LHFPL2: variants seen among roughly 807,000 people sequenced by gnomAD.
The protein encoded by LHFPL2 is LHFPL tetraspan subfamily member 2.
Under a neutral mutation model 17.5 loss-of-function variants are expected in LHFPL2, and 7 were observed. The ratio of observed to expected loss-of-function variants is 0.40; its 90% confidence interval spans 0.23 to 0.75. The LOEUF is 0.75. Ranked by LOEUF, LHFPL2 falls within the 30% of genes least tolerant of loss-of-function variation. The pLI is 0.37. For synonymous variants in LHFPL2, 134 were observed against 116.2 expected, an observed-to-expected ratio of 1.15 and a Z score of -0.99; for missense variants, 241 against 294.8, an observed-to-expected ratio of 0.82 and a Z score of 1.34.
intron 2 of LHFPL2, among the ~76,000 whole-genome samples, chr5:78,584,389 C>T (rs1260033663): frequency 6.6e-6 from 1 of 152,160 alleles, no homozygotes; most frequent in Non-Finnish European, 1.5e-5. Flanking sequence ...TTTTTCTGCT[C>T]TGTTTTTTCC....
At chr5:78,560,070 G>C (rs1027837475) in intron 3 of LHFPL2, among the ~76,000 whole-genome samples, 1 of 152,184 alleles carries the variant, frequency 6.6e-6, no homozygotes, top group Non-Finnish European at 1.5e-5. Context: ...ATTTTAACAA[G>C]AAAAGCGGCC....
intron 3 of LHFPL2, among the ~76,000 whole-genome samples, chr5:78,539,469 G>A (rs1382053258): frequency 6.6e-6 from 1 of 152,150 alleles, no homozygotes; most frequent in Non-Finnish European, 1.5e-5. Flanking sequence ...GACTTACTCT[G>A]AGAAATAAAA....
At chr5:78,570,757 T>C (rs1032966175) in intron 2 of LHFPL2, among the ~76,000 whole-genome samples, 3 of 151,698 alleles carry the variant, frequency 2.0e-5, no homozygotes, top group Non-Finnish European at 4.4e-5. Flanking sequence ...TGTTCCAGAA[T>C]AGGTTATTTA....
At chr5:78,526,142 C>A (rs754832894) in intron 3 of LHFPL2, among the ~76,000 whole-genome samples, 3 of 152,082 alleles carry the variant, frequency 2.0e-5, no homozygotes, top group Non-Finnish European at 2.9e-5. Flanking sequence ...CTGGCCCCCG[C>A]CACCACTCTA....
intron 4 of LHFPL2, among the ~76,000 whole-genome samples, chr5:78,501,525 A>T (rs948524369): frequency 5.9e-5 from 9 of 152,206 alleles, no homozygotes; most frequent in African/African-American, 1.9e-4. Context: ...ATCAAGATAC[A>T]TGGTAAGGAG....
intron 2 of LHFPL2, chr5:78,626,464 G>A (rs886193240): frequency 5.9e-5 from 9 of 152,360 alleles, no homozygotes; most frequent in Non-Finnish European, 1.2e-4. Flanking sequence ...AGGATACGGA[G>A]AAGCCTTAAG....
intron 2 of LHFPL2, among the ~76,000 whole-genome samples, chr5:78,608,638 A>AAGG (rs1189157830): frequency 6.6e-6 from 1 of 152,058 alleles, no homozygotes; most frequent in African/African-American, 2.4e-5. Flanking sequence ...AGTGACTTAA[A>AAGG]ATACATTAGA....
At position 78,648,572 on chromosome 5, in the gene LHFPL2, C is replaced by A; in HGVS notation, c.-423G>T. 6.6e-6 allele frequency: 1 copy of A among 151,980 alleles called. No homozygotes were observed. The highest frequency in any genetic ancestry group is 1.5e-5 in the Non-Finnish European group (1 of 68,028). 9.4% of individuals were successfully genotyped at this position (151,980 alleles called of 1,614,324 possible). A position where few individuals can be genotyped will look rare whatever the true frequency, so the allele number is the denominator to read the frequency against. On this transcript the variant is annotated 5_prime_UTR_variant, in exon 1 of 5. Coordinates refer to ENST00000380345, the MANE Select transcript of LHFPL2 (RefSeq NM_005779.3). This position sits in a 1 kb window ranked among gnomAD's most constrained non-coding sequence, Gnocchi z 5.4. ...GTCAGGGCTTTCAGTGACGCCTCCTCGCAGCCACCTCGCTCTTGCCCCCGC... is the reference window on the plus strand; with the variant it reads ...GTCAGGGCTTTCAGTGACGCCTCCTAGCAGCCACCTCGCTCTTGCCCCCGC...
At chr5:78,520,319 C>T (rs1266966580) in intron 3 of LHFPL2, among the ~76,000 whole-genome samples, 56 of 152,178 alleles carry the variant, frequency 3.7e-4, no homozygotes, top group Admixed American at 3.4e-3. Context: ...ACACGGGTCC[C>T]GACCCAGGCT....
intron 3 of LHFPL2, among the ~76,000 whole-genome samples, chr5:78,530,482 T>C (rs1468164690): frequency 6.6e-6 from 1 of 152,206 alleles, no homozygotes; most frequent in Non-Finnish European, 1.5e-5. Flanking sequence ...GAGTTCTCCC[T>C]AGATATGATG....
At chr5:78,566,705 G>A (rs1044910634) in intron 2 of LHFPL2, among the ~76,000 whole-genome samples, 2 of 152,134 alleles carry the variant, frequency 1.3e-5, no homozygotes, top group East Asian at 1.9e-4. Context: ...TGATCCACCC[G>A]CCCCGGCCTC....
intron 2 of LHFPL2, among the ~76,000 whole-genome samples, chr5:78,587,975 G>A (rs193135149): frequency 6.6e-5 from 10 of 152,192 alleles, no homozygotes; most frequent in Non-Finnish European, 1.2e-4. Flanking sequence ...CCCTCCCTCC[G>A]GTGGTTCCAG....
chr5:78,541,254 G>A (rs1756104549), intron 3 of LHFPL2, among the ~76,000 whole-genome samples: 2 of 152,124 alleles, frequency 1.3e-5, no homozygotes, highest in Admixed American at 6.5e-5. Context: ...GGGGAGGTAA[G>A]ACATTTGGGC....
intron 3 of LHFPL2, among the ~76,000 whole-genome samples, chr5:78,518,056 T>G (rs1272157658): frequency 6.6e-6 from 1 of 152,226 alleles, no homozygotes; most frequent in African/African-American, 2.4e-5. Flanking sequence ...CGGGGCCATA[T>G]GCCTATGCCT....
chr5:78,544,392 T>G (rs1756205818), intron 3 of LHFPL2, among the ~76,000 whole-genome samples: 1 of 152,140 alleles, frequency 6.6e-6, no homozygotes, highest in Non-Finnish European at 1.5e-5. Flanking sequence ...GGTAGCACAT[T>G]TTGAACACAA....
chr5:78,627,208 A>G (rs1028627608), intron 2 of LHFPL2, among the ~76,000 whole-genome samples: 3 of 152,200 alleles, frequency 2.0e-5, no homozygotes, highest in African/African-American at 7.2e-5. Context: ...CGGACATGGG[A>G]AAGGCTGAGC....
chr5:78,640,602 A>G (rs915893154), intron 1 of LHFPL2, among the ~76,000 whole-genome samples: 6 of 152,242 alleles, frequency 3.9e-5, no homozygotes, highest in African/African-American at 1.2e-4. Context: ...CCAGCTCTTT[A>G]GTTCTCATTT....
intron 3 of LHFPL2, among the ~76,000 whole-genome samples, chr5:78,543,828 T>C (rs1250671758): frequency 6.6e-6 from 1 of 152,172 alleles, no homozygotes; most frequent in African/African-American, 2.4e-5. Flanking sequence ...GAGCAAGACA[T>C]CATGCCATTG....
intron 1 of LHFPL2, among the ~76,000 whole-genome samples, chr5:78,635,085 T>G (rs1159842857): frequency 6.6e-6 from 1 of 152,192 alleles, no homozygotes; most frequent in Non-Finnish European, 1.5e-5. Flanking sequence ...GTAAGTCCTC[T>G]GTCGGTTCTG....
Sources: gnomAD v4.1 joint callset for allele counts (sites outside exome capture counted in the v4.1 genomes callset) on GRCh38, gnomAD v4.1.1 for gene constraint, Gnocchi (gnomAD v3.1) non-coding constraint, MANE v1.5 for transcripts, NCBI Gene and HGNC (gene_info 2026-07-23, HGNC 2026-07-21) for gene names.